The following NSMCE2 variants were observed in gnomAD, a reference collection of about 807,000 sequenced individuals.
NSMCE2 encodes NSE2 SUMO ligase component of SMC5/6 complex.
A neutral mutation model predicts 23.8 loss-of-function variants in NSMCE2; 24 were observed. The observed-to-expected ratio is 1.01, with a 90% confidence interval of 0.73 to 1.42. The LOEUF is 1.42. Ranked by LOEUF, NSMCE2 falls within the 40% of genes most tolerant of loss-of-function variation. The pLI is 0.00. For synonymous variants in NSMCE2, 92 were observed against 94.1 expected (o/e 0.98, Z 0.13); for missense variants, 284 against 296.5 (o/e 0.96, Z 0.31).
chr8:125,347,868 G>T (rs904892806), intron 5 of NSMCE2, among the ~76,000 whole-genome samples: 2 of 152,172 alleles, frequency 1.3e-5, no homozygotes, highest in Non-Finnish European at 2.9e-5. Flanking sequence ...AAAGGAGGAA[G>T]AACATTGATC....
intron 5 of NSMCE2, among the ~76,000 whole-genome samples, chr8:125,304,270 G>A (rs1290071045): frequency 6.6e-6 from 1 of 152,116 alleles, no homozygotes; most frequent in Non-Finnish European, 1.5e-5. Flanking sequence ...TATATATAAA[G>A]ATCCTACCAA....
chr8:125,302,908 A>G (rs1333598324), intron 5 of NSMCE2, among the ~76,000 whole-genome samples: 1 of 152,150 alleles, frequency 6.6e-6, no homozygotes, highest in Non-Finnish European at 1.5e-5. Context: ...CAACTCTGGG[A>G]ATCCGGGACA....
chr8:125,146,392 T>G (rs1820675637), intron 3 of NSMCE2, among the ~76,000 whole-genome samples: 1 of 152,220 alleles, frequency 6.6e-6, no homozygotes, highest in South Asian at 2.1e-4. Context: ...GAAATAGAAC[T>G]ACCTAACTCT....
Position 125,182,238 on chromosome 8 carries a change from A to G in NSMCE2, c.400A>G (p.Lys134Glu). The G allele has an allele frequency of 6.2e-7, 1 of 1,602,040 alleles. No homozygotes were observed. The highest frequency in any genetic ancestry group is 8.5e-7 in the Non-Finnish European group (1 of 1,176,332). The change falls in exon 5 of 8, where the codon AAA becomes GAA. Residue 134 changes from lysine to glutamate, a missense_variant. By Grantham distance (56) the Lys-to-Glu change is moderately conservative. This residue lies in a region of NSMCE2 where 182 missense variants were observed against 155.5 expected (regional missense o/e 1.17). Coordinates refer to ENST00000287437, the MANE Select transcript of NSMCE2 (RefSeq NM_173685.4). ...EKFVQFKQQL[K>E]ELKKQCGLQA... ...ATTTGTACAGTTTAAACAACAGCTGAAAGAACTAAAGAAGCAATGTAAGTC... is the reference window on the plus strand; with the variant it reads ...ATTTGTACAGTTTAAACAACAGCTGGAAGAACTAAAGAAGCAATGTAAGTC...
chr8:125,217,351 A>G (rs951622427), intron 5 of NSMCE2, among the ~76,000 whole-genome samples: 1 of 149,884 alleles, frequency 6.7e-6, no homozygotes, highest in Admixed American at 6.6e-5. Flanking sequence ...TTATTTATTT[A>G]TTTATTTATT....
intron 5 of NSMCE2, among the ~76,000 whole-genome samples, chr8:125,254,815 T>C (rs1025199969): frequency 6.6e-6 from 1 of 152,148 alleles, no homozygotes; most frequent in African/African-American, 2.4e-5. Flanking sequence ...ATGAATCCTT[T>C]CATTCAGCAA....
intron 5 of NSMCE2, among the ~76,000 whole-genome samples, chr8:125,282,678 G>T (rs1420431588): frequency 6.6e-6 from 1 of 152,192 alleles, no homozygotes; most frequent in Non-Finnish European, 1.5e-5. Context: ...GTTCAATTCA[G>T]GACAGTTACT....
rs1825281250 is a variant in NSMCE2 at position 125,230,486 on chromosome 8, TG to T, written c.418+48234del. Among the ~76,000 whole-genome samples, 3 of 152,116 alleles carry T rather than the reference TG, an allele frequency of 2.0e-5. 1 individual carries two copies. The South Asian group carries it at 6.2e-4, about 32-fold the overall frequency. The stretch of plus-strand genomic sequence containing the variant: ...TGATGTTCAAAGCGTGAACATCCCT[TG>T]GGGAAGTGGGAATGAGAAACAGCTG... On this transcript the variant is annotated intron_variant, in intron 5 of 7. Coordinates refer to ENST00000287437, the MANE Select transcript of NSMCE2 (RefSeq NM_173685.4).
chr8:125,239,057 A>G (rs943147696), intron 5 of NSMCE2, among the ~76,000 whole-genome samples: 4 of 151,958 alleles, frequency 2.6e-5, no homozygotes, highest in African/African-American at 9.7e-5. Flanking sequence ...AAAATTTCCC[A>G]CCCTCTGGCT....
intron 5 of NSMCE2, among the ~76,000 whole-genome samples, chr8:125,239,637 C>T (rs1162276738): frequency 6.7e-6 from 1 of 150,222 alleles, no homozygotes; most frequent in African/African-American, 2.4e-5. Flanking sequence ...AAATTCAAAC[C>T]AGGCACTATT....
intron 5 of NSMCE2, among the ~76,000 whole-genome samples, chr8:125,340,012 G>GTTTTTTT (rs752038710): frequency 1.5e-4 from 15 of 102,828 alleles, no homozygotes; most frequent in Non-Finnish European, 1.7e-4. Flanking sequence ...GTTTTTTTTT[G>GTTTTTTT]TTTTTTTTTT....
chr8:125,289,278 C>T (rs947712454), intron 5 of NSMCE2, among the ~76,000 whole-genome samples: 1 of 152,206 alleles, frequency 6.6e-6, no homozygotes, highest in South Asian at 2.1e-4. Context: ...AAGTATCACT[C>T]ATGCAGCTGT....
chr8:125,201,751 C>A (rs1823887459), intron 5 of NSMCE2, among the ~76,000 whole-genome samples: 1 of 152,238 alleles, frequency 6.6e-6, no homozygotes, highest in Non-Finnish European at 1.5e-5. Context: ...ACGTTTAAGT[C>A]TGCGAAAGTT....
At chr8:125,151,146 T>C (rs753239462) in intron 3 of NSMCE2, 25 bp from the exon 4 acceptor site, 11 of 1,275,740 alleles carry the variant, frequency 8.6e-6, no homozygotes, top group Non-Finnish European at 1.3e-5. Context: ...TGGAAAATAA[T>C]AATTGCAATT....
At chr8:125,337,091 A>G (rs1830083482) in intron 5 of NSMCE2, among the ~76,000 whole-genome samples, 1 of 152,224 alleles carries the variant, frequency 6.6e-6, no homozygotes, top group Non-Finnish European at 1.5e-5. Context: ...AAAAATAATT[A>G]TAATTTGAGA....
chr8:125,146,293 T>G (rs1275552390), intron 3 of NSMCE2, among the ~76,000 whole-genome samples: 1 of 152,186 alleles, frequency 6.6e-6, no homozygotes, highest in Non-Finnish European at 1.5e-5. Context: ...GACTTGGCAG[T>G]TAGAAAGCCA....
At chr8:125,156,531 T>C (rs1347958891) in intron 4 of NSMCE2, among the ~76,000 whole-genome samples, 1 of 152,234 alleles carries the variant, frequency 6.6e-6, no homozygotes, top group Admixed American at 6.5e-5. Context: ...ATTTTTCTTC[T>C]TAACTGGAGC....
chr8:125,125,684 C>T (rs1269615789), intron 3 of NSMCE2, among the ~76,000 whole-genome samples: 1 of 152,174 alleles, frequency 6.6e-6, no homozygotes, highest in Admixed American at 6.5e-5. Flanking sequence ...GAGCTGTGAG[C>T]AGCTTGGTGT....
chr8:125,201,933 C>T (rs921190689), intron 5 of NSMCE2, among the ~76,000 whole-genome samples: 6 of 152,178 alleles, frequency 3.9e-5, no homozygotes, highest in Non-Finnish European at 7.4e-5. Context: ...CCCATTCCCC[C>T]GCCTTCCTGC....
Sources: allele counts gnomAD v4.1 joint callset (sites outside exome capture counted in the v4.1 genomes callset), GRCh38; gene constraint gnomAD v4.1.1; regional missense constraint gnomAD v4.1.1; transcripts MANE v1.5; gene names NCBI Gene and HGNC (gene_info 2026-07-23, HGNC 2026-07-21).